TTC6: variants seen among roughly 807,000 people sequenced by gnomAD.
TTC6 encodes tetratricopeptide repeat domain 6.
In TTC6, 172 loss-of-function variants were observed where a neutral mutation model predicts 210.4. The observed-to-expected ratio is 0.82, with a 90% CI of 0.72 to 0.93. The LOEUF (loss-of-function observed/expected upper bound fraction) is 0.93. Among genes scored for constraint, TTC6 ranks in the 40% least tolerant of loss-of-function variants. The probability of loss-of-function intolerance (pLI) is 0.00; values close to 1 mark genes in which losing one functional copy is unlikely to be tolerated. For synonymous variants in TTC6, 804 were observed against 819.6 expected (o/e 0.98, Z 0.32); for missense variants, 2,414 against 2,318.1 (o/e 1.04, Z -0.85).
chr14:37,729,631 C>T (rs1328736138), intron 7 of TTC6, among the ~76,000 whole-genome samples: 3 of 152,148 alleles, frequency 2.0e-5, no homozygotes, highest in Non-Finnish European at 4.4e-5. Context: ...GTCTGAAGCT[C>T]TTTCTACCTA....
At chr14:37,830,216 G>C (rs779586581) in intron 29 of TTC6, among the ~76,000 whole-genome samples, 6 of 152,078 alleles carry the variant, frequency 3.9e-5, no homozygotes, top group Non-Finnish European at 8.8e-5. Flanking sequence ...GAAGCATGAT[G>C]CAAAACGGAT....
chr14:37,745,782 T>G (rs2095934173), intron 10 of TTC6, among the ~76,000 whole-genome samples: 1 of 152,166 alleles, frequency 6.6e-6, no homozygotes, highest in Non-Finnish European at 1.5e-5. Context: ...TCTCATACCT[T>G]TAGAAGATTT....
At chr14:37,737,598 T>C in intron 8 of TTC6, 62 bp from the exon 11 acceptor site, 1 of 921,770 alleles carries the variant, frequency 1.1e-6, no homozygotes, top group Non-Finnish European at 1.6e-6. Context: ...AAGTATTATA[T>C]ATTTTAGCTT....
chr14:37,639,808 C>G (rs1201997479), intron 1 of TTC6, among the ~76,000 whole-genome samples: 1 of 149,434 alleles, frequency 6.7e-6, no homozygotes, highest in Non-Finnish European at 1.5e-5. Context: ...ATTGCTTAAA[C>G]CCAGGAGGCG....
intron 3 of TTC6, among the ~76,000 whole-genome samples, chr14:37,693,978 A>G (rs2095809464): frequency 3.2e-5 from 3 of 93,832 alleles, no homozygotes; most frequent in South Asian, 6.7e-4. Flanking sequence ...AAACTACCAC[A>G]AAAACAAACA....
At chr14:37,630,456 T>C (rs2095667430) in intron 1 of TTC6, among the ~76,000 whole-genome samples, 1 of 152,174 alleles carries the variant, frequency 6.6e-6, no homozygotes, top group Non-Finnish European at 1.5e-5. Context: ...TCTTTGTTAT[T>C]ATTTCCATTC....
At chr14:37,808,740 A>G in exon 24 of TTC6, 1 of 1,470,732 alleles carries the variant, frequency 6.8e-7, no homozygotes, top group Non-Finnish European at 9.1e-7. Context: ...TAGACTTATA[A>G]GCTAGCAATT....
chr14:37,745,100 G>C (rs2095932097), intron 10 of TTC6, among the ~76,000 whole-genome samples: 1 of 151,892 alleles, frequency 6.6e-6, no homozygotes, highest in Non-Finnish European at 1.5e-5. Context: ...GGAGAGAGTT[G>C]TCCCTGCCAT....
intron 1 of TTC6, among the ~76,000 whole-genome samples, chr14:37,647,759 G>A (rs905762985): frequency 2.0e-5 from 3 of 152,078 alleles, no homozygotes; most frequent in Non-Finnish European, 2.9e-5. Context: ...TGACCCGGGG[G>A]ATAAGTGTAG....
At chr14:37,717,169 C>A (rs1957598) in intron 6 of TTC6, among the ~76,000 whole-genome samples, 131,346 of 150,892 alleles carry the variant, frequency 0.87, 57,439 homozygotes, top group East Asian at 0.98. Flanking sequence ...AAGAACCCCC[C>A]AAAAAAAGAG....
At chr14:37,817,621 T>C (rs754992334) in exon 26 of TTC6, 1 of 1,614,010 alleles carries the variant, frequency 6.2e-7, no homozygotes, top group South Asian at 1.1e-5. Context: ...AACGGGAGCC[T>C]TTGTCACGCC....
rs184427071 is a variant in TTC6 at position 37,772,599 on chromosome 14, A to C, written c.3267-14869A>C. ...CCGTCCGTCACCCCTTTCTTTGACT[A>C]GGAAAGGGAACTCCCTGACCCCTTG... On this transcript the variant is annotated intron_variant, in intron 14 of 30. Coordinates refer to ENST00000553443, the Ensembl canonical transcript of TTC6. 8 of 153,072 alleles carry C rather than the reference A, an allele frequency of 5.2e-5. No individual in the cohort carries two copies. The East Asian group carries it at 9.7e-4, about 18-fold the overall frequency. 9.5% of individuals were successfully genotyped at this position (153,072 alleles called of 1,614,324 possible). A position where few individuals can be genotyped will look rare whatever the true frequency, so the allele number is the denominator to read the frequency against.
At chr14:37,814,020 A>G (rs1217799920) in intron 25 of TTC6, among the ~76,000 whole-genome samples, 3 of 152,182 alleles carry the variant, frequency 2.0e-5, no homozygotes, top group African/African-American at 7.2e-5. Flanking sequence ...GCCCCTCTAC[A>G]TGCTATTCTC....
chr14:37,727,291 A>ATTTTTTTTTTTTTTT (rs368293440), intron 7 of TTC6, among the ~76,000 whole-genome samples: 9 of 92,242 alleles, frequency 9.8e-5, no homozygotes, highest in Non-Finnish European at 2.0e-4. Flanking sequence ...TATTTTTCTA[A>ATTTTTTTTTTTTTTT]TTTTTTTTTT....
intron 20 of TTC6, among the ~76,000 whole-genome samples, chr14:37,803,664 G>A (rs1254987328): frequency 6.6e-6 from 1 of 152,160 alleles, no homozygotes; most frequent in African/African-American, 2.4e-5. Context: ...GTCAAGGACA[G>A]CTTTTGAGGA....
intron 14 of TTC6, among the ~76,000 whole-genome samples, chr14:37,762,882 C>CTTTTTTTTTTTTTTTTTTTTTT (rs369694046): frequency 7.7e-6 from 1 of 129,600 alleles, no homozygotes; most frequent in Non-Finnish European, 1.6e-5. Context: ...CTTTTCTTTT[C>CTTTTTTTTTTTTTTTTTTTTTT]TTTTTTTTTT....
intron 15 of TTC6, among the ~76,000 whole-genome samples, chr14:37,787,889 CTGTGTGTGTGTGTGTGTG>C (rs3062823): frequency 2.0e-5 from 3 of 147,222 alleles, no homozygotes; most frequent in African/African-American, 7.5e-5. Flanking sequence ...GTGTGTGTGT[CTGTGTGTGTGTGTGTGTG>C]TGTGTGTGTG....
At chr14:37,621,559 T>C (rs1414225194), upstream of TTC6, among the ~76,000 whole-genome samples, 1 of 152,188 alleles carries the variant, frequency 6.6e-6, no homozygotes, top group Non-Finnish European at 1.5e-5. Context: ...CACTAAGCCA[T>C]GATCATGCCA....
chr14:37,735,890 A>G, intron 7 of TTC6, 31 bp from the exon 10 acceptor site: 8 of 1,365,814 alleles, frequency 5.9e-6, no homozygotes, highest in Non-Finnish European at 8.0e-6. Flanking sequence ...ATTCCAAAAC[A>G]TAATTTAAAA....
Sources: allele counts gnomAD v4.1 joint callset (sites outside exome capture counted in the v4.1 genomes callset), GRCh38; gene constraint gnomAD v4.1.1; transcripts MANE v1.5; gene names NCBI Gene and HGNC (gene_info 2026-07-23, HGNC 2026-07-21).